The following CDH18 variants were observed in gnomAD, a reference collection of about 807,000 sequenced individuals.
The protein encoded by CDH18 is cadherin 18, also known as cadherin-18.
CDH18 carries 31 observed loss-of-function variants against 67.9 expected under a neutral mutation model. The observed-to-expected ratio is 0.46, with a 90% CI of 0.34 to 0.62. The LOEUF is 0.62. Ranked by LOEUF, CDH18 falls within the 20% of genes least tolerant of loss-of-function variation. The pLI, the probability that CDH18 is intolerant of heterozygous loss-of-function variation, is 0.01. For synonymous variants in CDH18, 362 were observed against 347.2 expected, an observed-to-expected ratio of 1.04 and a Z score of -0.48; for missense variants, 890 against 975.5, an observed-to-expected ratio of 0.91 and a Z score of 1.17.
intron 1 of CDH18, among the ~76,000 whole-genome samples, chr5:20,273,178 G>A (rs1027070887): frequency 3.9e-5 from 6 of 152,086 alleles, no homozygotes; most frequent in African/African-American, 1.2e-4. Flanking sequence ...ACAAAATAAA[G>A]CTCAATGCAT....
intron 2 of CDH18, among the ~76,000 whole-genome samples, chr5:20,245,270 G>A (rs530780272): frequency 5.9e-5 from 9 of 152,122 alleles, no homozygotes; most frequent in Non-Finnish European, 7.4e-5. Context: ...AGTTTGAAGC[G>A]AGTGAAGCTG....
intron 9 of CDH18, among the ~76,000 whole-genome samples, chr5:19,537,431 A>G (rs543460972): frequency 6.6e-6 from 1 of 152,034 alleles, no homozygotes; most frequent in South Asian, 2.1e-4. Context: ...ATATATGTAC[A>G]TATGTAAGTG....
chr5:20,297,314 A>G (rs1035902800), intron 1 of CDH18, among the ~76,000 whole-genome samples: 1 of 152,234 alleles, frequency 6.6e-6, no homozygotes, highest in Non-Finnish European at 1.5e-5. Context: ...ACTTAAGAAA[A>G]GGAAATTGAC....
intron 2 of CDH18, among the ~76,000 whole-genome samples, chr5:19,847,555 T>C (rs1409486456): frequency 6.6e-6 from 1 of 152,146 alleles, no homozygotes; most frequent in Non-Finnish European, 1.5e-5. Flanking sequence ...GAATTCTTTG[T>C]TATATATTTC....
intron 5 of CDH18, among the ~76,000 whole-genome samples, chr5:19,627,261 T>C (rs1487271899): frequency 6.6e-6 from 1 of 152,204 alleles, no homozygotes; most frequent in Non-Finnish European, 1.5e-5. Context: ...GAAGAAATAG[T>C]ATCCTAAATA....
At chr5:19,774,011 T>C (rs1482720990) in intron 3 of CDH18, among the ~76,000 whole-genome samples, 1 of 152,236 alleles carries the variant, frequency 6.6e-6, no homozygotes, top group Non-Finnish European at 1.5e-5. Flanking sequence ...GGGACTCTAC[T>C]ATTTCTCTAT....
intron 1 of CDH18, among the ~76,000 whole-genome samples, chr5:20,313,812 A>G (rs535944374): frequency 1.3e-5 from 2 of 152,178 alleles, no homozygotes; most frequent in South Asian, 2.1e-4. Flanking sequence ...ACATACATCT[A>G]TTATGCACAC....
intron 8 of CDH18, among the ~76,000 whole-genome samples, chr5:19,551,036 A>G (rs984741774): frequency 6.6e-6 from 1 of 152,216 alleles, no homozygotes; most frequent in African/African-American, 2.4e-5. Flanking sequence ...ACCTTTCTAG[A>G]TGAAAGGAGT....
At chr5:19,869,325 C>A (rs1785958285) in intron 2 of CDH18, among the ~76,000 whole-genome samples, 1 of 151,946 alleles carries the variant, frequency 6.6e-6, no homozygotes, top group Non-Finnish European at 1.5e-5. Flanking sequence ...TAATAATTTA[C>A]CCAAACAGAT....
At chr5:20,405,110 A>T (rs1486739281) in intron 1 of CDH18, among the ~76,000 whole-genome samples, 1 of 152,190 alleles carries the variant, frequency 6.6e-6, no homozygotes, top group African/African-American at 2.4e-5. Context: ...TGGAACCAAA[A>T]AAGAGCCCAC....
At chr5:19,906,682 C>A (rs1790576790) in intron 2 of CDH18, among the ~76,000 whole-genome samples, 1 of 151,880 alleles carries the variant, frequency 6.6e-6, no homozygotes, top group Non-Finnish European at 1.5e-5. Context: ...AGAAAAGTAT[C>A]CCTGCTCATT....
chr5:19,664,761 G>T (rs1182798934), intron 5 of CDH18, among the ~76,000 whole-genome samples: 3 of 151,906 alleles, frequency 2.0e-5, no homozygotes, highest in Non-Finnish European at 2.9e-5. Context: ...CATTAAATCA[G>T]TTGTTATTCA....
intron 8 of CDH18, 133 bp downstream of exon 8, chr5:19,571,446 A>G: frequency 1.2e-6 from 1 of 818,270 alleles, no homozygotes; most frequent in South Asian, 2.5e-5. Flanking sequence ...AAATCAATTA[A>G]TATTATAATT....
At chr5:20,386,600 A>G (rs1744329565) in intron 1 of CDH18, among the ~76,000 whole-genome samples, 1 of 152,188 alleles carries the variant, frequency 6.6e-6, no homozygotes, top group Non-Finnish European at 1.5e-5. Flanking sequence ...GGCCAAGTAT[A>G]CAGCAGGAGT....
intron 9 of CDH18, among the ~76,000 whole-genome samples, chr5:19,525,559 G>A (rs1747630473): frequency 6.6e-6 from 1 of 152,174 alleles, no homozygotes; most frequent in African/African-American, 2.4e-5. Context: ...TAAATTTAAA[G>A]TAATTTCTGG....
chr5:20,025,299 G>A (rs1475577926), intron 2 of CDH18, among the ~76,000 whole-genome samples: 1 of 152,098 alleles, frequency 6.6e-6, no homozygotes, highest in African/African-American at 2.4e-5. Context: ...TCCAGGCTAT[G>A]TCTTAACTTT....
intron 1 of CDH18, among the ~76,000 whole-genome samples, chr5:20,397,532 G>T (rs955066056): frequency 6.6e-6 from 1 of 152,024 alleles, no homozygotes; most frequent in South Asian, 2.1e-4. Context: ...TCTTATAAAC[G>T]TCTAGTCCTG....
intron 1 of CDH18, among the ~76,000 whole-genome samples, chr5:20,438,032 A>G (rs1180880947): frequency 6.6e-6 from 1 of 151,382 alleles, no homozygotes; most frequent in Non-Finnish European, 1.5e-5. Context: ...TAACATGAAT[A>G]TAAACATTTC....
intron 5 of CDH18, among the ~76,000 whole-genome samples, chr5:19,644,269 A>G (rs1754434346): frequency 6.6e-6 from 1 of 152,166 alleles, no homozygotes; most frequent in Admixed American, 6.6e-5. Flanking sequence ...AGGAAGCTAG[A>G]AAAACAAATA....
Sources: allele counts gnomAD v4.1 joint callset (sites outside exome capture counted in the v4.1 genomes callset), GRCh38; gene constraint gnomAD v4.1.1; transcripts MANE v1.5; gene names NCBI Gene and HGNC (gene_info 2026-07-23, HGNC 2026-07-21).